Variants in ERO1A observed in about 807,000 individuals in gnomAD.
The protein encoded by ERO1A is endoplasmic reticulum oxidoreductase 1 alpha.
Under a neutral mutation model 76.9 loss-of-function variants are expected in ERO1A, and 49 were observed. That is an observed-to-expected ratio of 0.64 (90% CI 0.51 to 0.81). The LOEUF (loss-of-function observed/expected upper bound fraction) is 0.81. ERO1A is among the 30% of genes least tolerant of loss of function. The pLI is 0.00. For synonymous variants in ERO1A, 174 were observed against 181.2 expected, an observed-to-expected ratio of 0.96 and a Z score of 0.32; for missense variants, 448 against 542.1, an observed-to-expected ratio of 0.83 and a Z score of 1.72.
At chr14:52,687,271 C>CA (rs201017337) in intron 1 of ERO1A, among the ~76,000 whole-genome samples, 3,952 of 151,052 alleles carry the variant, frequency 0.026, 90 homozygotes, top group Middle Eastern at 0.065. Context: ...ACTAAAACTA[C>CA]AAAAAAAAAT....
At chr14:52,681,460 G>A (rs2040991089) in intron 3 of ERO1A, among the ~76,000 whole-genome samples, 3 of 151,996 alleles carry the variant, frequency 2.0e-5, no homozygotes, top group African/African-American at 7.2e-5. Flanking sequence ...AAAATTAGCT[G>A]GGCGTGGTGG....
At chr14:52,652,961 C>T in intron 12 of ERO1A, 108 bp downstream of exon 12, 5 of 765,708 alleles carry the variant, frequency 6.5e-6, no homozygotes, top group Non-Finnish European at 8.3e-6. Flanking sequence ...TGCCACTGCA[C>T]TCCAGCCTGG....
chr14:52,668,734 T>A (rs2040497998), intron 6 of ERO1A, among the ~76,000 whole-genome samples: 1 of 149,014 alleles, frequency 6.7e-6, no homozygotes, highest in East Asian at 1.9e-4. Context: ...TTATAAAAAA[T>A]AAATATTACT....
intron 9 of ERO1A, among the ~76,000 whole-genome samples, chr14:52,659,448 G>T (rs780029742): frequency 3.3e-5 from 5 of 152,084 alleles, no homozygotes; most frequent in Non-Finnish European, 7.4e-5. Context: ...GTAACTAAGG[G>T]TATGGTTCCT....
At chr14:52,664,918 C>G (rs2040357095) in intron 7 of ERO1A, among the ~76,000 whole-genome samples, 1 of 152,038 alleles carries the variant, frequency 6.6e-6, no homozygotes, top group South Asian at 2.1e-4. Flanking sequence ...GTCTCGATCT[C>G]CTGACCTCGT....
chr14:52,672,659 A>G (rs1279225887), intron 4 of ERO1A, among the ~76,000 whole-genome samples: 1 of 151,614 alleles, frequency 6.6e-6, no homozygotes, highest in Middle Eastern at 3.2e-3. Flanking sequence ...AATACTAGCT[A>G]CTCAGGAAGT....
chr14:52,685,821 C>T (rs1371265738), intron 1 of ERO1A, among the ~76,000 whole-genome samples: 1 of 152,198 alleles, frequency 6.6e-6, no homozygotes, highest in South Asian at 2.1e-4. Flanking sequence ...ACACTATTAT[C>T]TAAGTATTAC....
intron 2 of ERO1A, among the ~76,000 whole-genome samples, chr14:52,683,511 AT>A (rs1391673583): frequency 6.6e-6 from 1 of 152,216 alleles, no homozygotes; most frequent in East Asian, 1.9e-4. Flanking sequence ...GTTTTAGAAA[AT>A]TATGATCTCA....
At chr14:52,654,692 C>T (rs1263449227) in intron 11 of ERO1A, among the ~76,000 whole-genome samples, 1 of 152,152 alleles carries the variant, frequency 6.6e-6, no homozygotes, top group Non-Finnish European at 1.5e-5. Flanking sequence ...GTGGAGATAA[C>T]ATTTTTCCAT....
intron 11 of ERO1A, among the ~76,000 whole-genome samples, chr14:52,655,929 G>C (rs1425173191): frequency 1.3e-5 from 2 of 152,004 alleles, no homozygotes; most frequent in African/African-American, 4.8e-5. Flanking sequence ...CATAATGTTT[G>C]GAAGTATATA....
At chr14:52,663,022 G>A (rs1162835258) in intron 8 of ERO1A, among the ~76,000 whole-genome samples, 1 of 152,166 alleles carries the variant, frequency 6.6e-6, no homozygotes, top group East Asian at 1.9e-4. Context: ...CTGGTTACAA[G>A]GACCAGGGAA....
intron 2 of ERO1A, among the ~76,000 whole-genome samples, chr14:52,682,724 C>T (rs937275496): frequency 2.6e-5 from 4 of 151,928 alleles, no homozygotes; most frequent in African/African-American, 9.7e-5. Context: ...CGTGGCGAAA[C>T]CCCGTCTCTA....
At position 52,653,184 on chromosome 14, in the gene ERO1A, C is replaced by A. The variant is rs758763441; in HGVS notation, c.940G>T (p.Ala314Ser). The change falls in exon 12 of 16, where the codon GCT becomes TCT. Residue 314 changes from alanine (A) to serine (S), a missense_variant. Around this residue, in one of 2 missense-constraint regions of ERO1A, gnomAD observed 302 missense variants for 411.9 expected, o/e 0.73. Coordinates refer to ENST00000395686, the MANE Select transcript of ERO1A (RefSeq NM_014584.3). ...AAGAATGGTAACACTTTGGATAAAG[C>A]CCTTAGTTCTATTAAGTAGAGAAAA... is the stretch of plus-strand genomic sequence containing the variant. ...LYFLYLIELR[A>S]LSKVLPFFER... 3.7e-6 allele frequency: 6 copies of A among 1,613,620 alleles called. No homozygotes were observed. Among genetic ancestry groups the A allele is most frequent in the South Asian group, 2.2e-5 (2 of 91,054 alleles).
intron 3 of ERO1A, among the ~76,000 whole-genome samples, chr14:52,678,838 T>C (rs541936106): frequency 6.6e-6 from 1 of 152,284 alleles, no homozygotes; most frequent in African/African-American, 2.4e-5. Flanking sequence ...TTAGTAGAAT[T>C]GTTTTTGTTT....
chr14:52,665,154 G>A (rs2040367962), intron 7 of ERO1A, among the ~76,000 whole-genome samples: 1 of 151,428 alleles, frequency 6.6e-6, no homozygotes, highest in Non-Finnish European at 1.5e-5. Context: ...ATACAAAAAT[G>A]AGCCGGGTGT....
intron 3 of ERO1A, among the ~76,000 whole-genome samples, 185 bp from the exon 4 acceptor site, chr14:52,678,657 A>G (rs1297409086): frequency 6.6e-6 from 1 of 152,256 alleles, no homozygotes; most frequent in Non-Finnish European, 1.5e-5. Flanking sequence ...AAATTATTCT[A>G]TGGATTGCTG....
chr14:52,646,622 C>T (rs1480433248), intron 13 of ERO1A, 161 bp from the exon 14 acceptor site: 5 of 535,762 alleles, frequency 9.3e-6, no homozygotes, highest in African/African-American at 3.8e-5. Context: ...CAGATCCTTA[C>T]ATACACAATC....
intron 1 of ERO1A, 83 bp downstream of exon 1, chr14:52,695,285 G>T: frequency 4.2e-6 from 4 of 942,738 alleles, no homozygotes; most frequent in Non-Finnish European, 5.6e-6. Flanking sequence ...CGCACCCCCA[G>T]CCGCTCACCC....
chr14:52,679,667 G>A (rs1436540986), intron 3 of ERO1A, among the ~76,000 whole-genome samples: 1 of 151,748 alleles, frequency 6.6e-6, no homozygotes. Context: ...CAAAGTGATG[G>A]GATTATAGGC....
Sources: allele counts gnomAD v4.1 joint callset (sites outside exome capture counted in the v4.1 genomes callset), GRCh38; gene constraint gnomAD v4.1.1; regional missense constraint gnomAD v4.1.1; transcripts MANE v1.5; gene names NCBI Gene and HGNC (gene_info 2026-07-23, HGNC 2026-07-21).